RBBP8: variants seen among roughly 807,000 people sequenced by gnomAD.
RBBP8 encodes the protein DNA endonuclease RBBP8.
In RBBP8, 88 loss-of-function variants were observed where a neutral mutation model predicts 108.3. The ratio of observed to expected loss-of-function variants is 0.81; its 90% CI spans 0.68 to 0.97. The LOEUF is 0.97. RBBP8 is among the 50% of genes least tolerant of loss of function. The pLI, the probability that RBBP8 is intolerant of heterozygous loss-of-function variation, is 0.00. For missense variants in RBBP8, 1,023 were observed against 1,049.0 expected (o/e 0.98, Z 0.34); for synonymous variants, 332 against 348.2 (o/e 0.95, Z 0.52).
chr18:23,002,116 G>A (rs1341434522), intron 15 of RBBP8, among the ~76,000 whole-genome samples: 2 of 152,094 alleles, frequency 1.3e-5, no homozygotes, highest in African/African-American at 2.4e-5. Flanking sequence ...AGAAAGTTTT[G>A]TACAACATTC....
intron 4 of RBBP8, among the ~76,000 whole-genome samples, chr18:22,953,677 G>A (rs1912233633): frequency 6.6e-6 from 1 of 151,976 alleles, no homozygotes; most frequent in Admixed American, 6.6e-5. Context: ...GAAGAAATCA[G>A]TGGATGAGTG....
intron 4 of RBBP8, among the ~76,000 whole-genome samples, chr18:22,950,633 C>T (rs1306665643): frequency 1.3e-5 from 2 of 150,972 alleles, no homozygotes; most frequent in African/African-American, 4.9e-5. Context: ...TTTTATTTTT[C>T]CAGGGTAGGC....
intron 2 of RBBP8, among the ~76,000 whole-genome samples, chr18:22,941,511 C>T (rs1276659907): frequency 6.6e-6 from 1 of 152,100 alleles, no homozygotes; most frequent in East Asian, 1.9e-4. Flanking sequence ...AAATATTTGA[C>T]AGATTTCTTC....
chr18:22,934,646 A>T, intron 1 of RBBP8: 1 of 151,584 alleles, frequency 6.6e-6, no homozygotes, highest in African/African-American at 2.4e-5. Flanking sequence ...TACTTTAGGT[A>T]TATCTCCTAA....
chr18:23,022,677 G>A (rs2144857729), intron 18 of RBBP8, among the ~76,000 whole-genome samples: 1 of 98,320 alleles, frequency 1.0e-5, no homozygotes, highest in Non-Finnish European at 2.3e-5. Context: ...ATAAATAACT[G>A]TATATGCCCA....
Position 22,927,783 on chromosome 18 carries a change from C to A in RBBP8, c.-153-1600C>A, listed in dbSNP as rs1002749936. ...ATATATGTGGCTCTGTGGGATAGTTCTGTGCTAAGACTCTAGTAAAAAGTA... is the reference window on the plus strand; with the variant it reads ...ATATATGTGGCTCTGTGGGATAGTTATGTGCTAAGACTCTAGTAAAAAGTA... On this transcript the variant is annotated intron_variant, in intron 3 of 4. Coordinates refer to the RBBP8 transcript ENST00000577588. Among the ~76,000 whole-genome samples, 3 of 151,732 alleles carry A rather than the reference C, an allele frequency of 2.0e-5. No individual in the cohort carries two copies. In the South Asian group the frequency reaches 6.2e-4, roughly 31 times the overall value.
chr18:22,933,469 C>T lies in RBBP8; in HGVS notation c.-194C>T, dbSNP rs116097101. On this transcript the variant is annotated 5_prime_UTR_variant, in exon 1 of 19. Coordinates refer to ENST00000327155, the MANE Select transcript of RBBP8 (RefSeq NM_002894.3). ...TTGGCACTCTGGTGAGGGAAAAGGG[C>T]GAAAGAGAAAAGCGAGCAGCCGTCC... 0.049 allele frequency: 7,496 copies of T among 154,206 alleles called. 356 individuals carry two copies. The highest frequency in any genetic ancestry group is 0.12 in the African/African-American group (5,120 of 41,558). The allele number at this position is 154,206 out of a possible 1,614,324, so 9.6% of individuals were successfully genotyped here. A position where few individuals can be genotyped will look rare whatever the true frequency, so the allele number is the denominator to read the frequency against.
At chr18:22,987,379 C>G (rs1398408012) in intron 8 of RBBP8, among the ~76,000 whole-genome samples, 3 of 152,168 alleles carry the variant, frequency 2.0e-5, no homozygotes, top group African/African-American at 7.2e-5. Context: ...GGAACTGATT[C>G]TGACTGTAAA....
chr18:22,933,817 C>G lies in RBBP8; in HGVS notation c.-99+253C>G, dbSNP rs1474616502. ...GAAGCGCCTTTCGCCGCCAAGCCCGCCCCGCGCATGCGCCGACTGCGGCTC... is the reference window on the plus strand; with the variant it reads ...GAAGCGCCTTTCGCCGCCAAGCCCGGCCCGCGCATGCGCCGACTGCGGCTC... On this transcript the variant is annotated intron_variant, in intron 1 of 18. Transcript: ENST00000327155. 3 of 152,230 alleles carry G rather than the reference C, an allele frequency of 2.0e-5. No homozygotes were observed. In the East Asian group the frequency reaches 5.8e-4, roughly 29 times the overall value. 9.4% of individuals were successfully genotyped at this position (152,230 alleles called of 1,614,324 possible). A position where few individuals can be genotyped will look rare whatever the true frequency, so the allele number is the denominator to read the frequency against.
At chr18:23,021,128 T>C (rs796171847) in intron 17 of RBBP8, among the ~76,000 whole-genome samples, 37 of 152,252 alleles carry the variant, frequency 2.4e-4, no homozygotes, top group Non-Finnish European at 4.4e-4. Context: ...GGATTAAATA[T>C]GTGATTCTGG....
At chr18:23,001,248 T>G (rs2045942051) in intron 14 of RBBP8, among the ~76,000 whole-genome samples, 1 of 152,256 alleles carries the variant, frequency 6.6e-6, no homozygotes, top group Admixed American at 6.5e-5. Flanking sequence ...ATATTACATC[T>G]ATTCACTGAA....
chr18:22,970,860 A>G (rs750163205), intron 5 of RBBP8, among the ~76,000 whole-genome samples: 4 of 152,180 alleles, frequency 2.6e-5, no homozygotes, highest in Non-Finnish European at 5.9e-5. Flanking sequence ...TAACTACTTG[A>G]CAAGTGGAAG....
At chr18:22,931,751 A>G (rs1910043891), upstream of RBBP8, among the ~76,000 whole-genome samples, 1 of 152,232 alleles carries the variant, frequency 6.6e-6, no homozygotes, top group Admixed American at 6.5e-5. Context: ...GTCACTCAGT[A>G]AGGAAGTATT....
chr18:23,014,889 GT>G (rs2046231637), intron 16 of RBBP8, among the ~76,000 whole-genome samples: 1 of 150,720 alleles, frequency 6.6e-6, no homozygotes, highest in Non-Finnish European at 1.5e-5. Flanking sequence ...GTTTTTTTTT[GT>G]TTTGTTTTGT....
At chr18:22,921,889 T>C (rs1909608304) in intron 3 of RBBP8, among the ~76,000 whole-genome samples, 1 of 152,224 alleles carries the variant, frequency 6.6e-6, no homozygotes, top group Non-Finnish European at 1.5e-5. Context: ...CCAAAGACTT[T>C]ATTGTTTAAG....
At chr18:22,955,110 A>G (rs553119581) in intron 4 of RBBP8, among the ~76,000 whole-genome samples, 1 of 152,270 alleles carries the variant, frequency 6.6e-6, no homozygotes, top group African/African-American at 2.4e-5. Flanking sequence ...GATCTATTCT[A>G]CCTCTGGTGG....
At chr18:22,947,397 T>C (rs1431032930) in intron 3 of RBBP8, among the ~76,000 whole-genome samples, 4 of 151,952 alleles carry the variant, frequency 2.6e-5, no homozygotes, top group Admixed American at 1.3e-4. Context: ...GACATTTGAT[T>C]TAAAAGTAAT....
upstream of RBBP8, among the ~76,000 whole-genome samples, chr18:22,931,978 A>G (rs1042401738): frequency 1.3e-5 from 2 of 152,166 alleles, no homozygotes; most frequent in African/African-American, 4.8e-5. Flanking sequence ...ACTAGGTAAG[A>G]AATAACAGTA....
At chr18:22,973,211 C>CT (rs1451880497) in intron 5 of RBBP8, among the ~76,000 whole-genome samples, 1 of 152,094 alleles carries the variant, frequency 6.6e-6, no homozygotes, top group Non-Finnish European at 1.5e-5. Flanking sequence ...AGAATACTCC[C>CT]TTTTTTAAAG....
Sources: allele counts gnomAD v4.1 joint callset (sites outside exome capture counted in the v4.1 genomes callset), GRCh38; gene constraint gnomAD v4.1.1; transcripts MANE v1.5; gene names NCBI Gene and HGNC (gene_info 2026-07-23, HGNC 2026-07-21).